Variants in TSPAN32 observed in about 807,000 individuals in gnomAD.
The protein encoded by TSPAN32 is tetraspanin 32.
TSPAN32 carries 47 observed loss-of-function variants against 42.7 expected under a neutral mutation model. That is an observed-to-expected ratio of 1.10 (90% confidence interval 0.87 to 1.40). The LOEUF is 1.40. Among genes scored for constraint, TSPAN32 ranks in the 40% most tolerant of loss-of-function variants. TSPAN32 has a pLI of 0.00. For synonymous variants in TSPAN32, 175 were observed against 175.9 expected, an observed-to-expected ratio of 0.99 and a Z score of 0.04; for missense variants, 469 against 424.1, an observed-to-expected ratio of 1.11 and a Z score of -0.93.
Position 2,302,165 on chromosome 11 carries a change from CG to C in TSPAN32, c.17del (p.Arg6GlnfsTer27), listed in dbSNP as rs776304562. On this transcript the variant is annotated frameshift_variant, in exon 1 of 10. Transcript: ENST00000182290. LOFTEE classifies it high-confidence loss of function. The part of the protein sequence containing the change: MGPWS[R>X]VRVAKCQMLV... ...AGGAACCGTCATGGGGCCTTGGAGT[CG>C]AGTCAGGGTTGCCAAATGCCAGATG... The C allele has an allele frequency of 7.0e-7, 1 of 1,426,808 alleles. No homozygotes were observed. The highest frequency in any genetic ancestry group is 9.2e-7 in the Non-Finnish European group (1 of 1,086,082). The allele number at this position is 1,426,808 out of a possible 1,614,324, so 88.4% of individuals were successfully genotyped here.
chr11:2,316,480 TG>T, intron 7 of TSPAN32, 95 bp from the exon 8 acceptor site: 1 of 1,593,554 alleles, frequency 6.3e-7, no homozygotes. Context: ...CTCCTACAGC[TG>T]GGCCGCCCCC....
chr11:2,313,374 G>C lies in TSPAN32; in HGVS notation c.355-280G>C, dbSNP rs991287290. 3.3e-5 allele frequency among the ~76,000 whole-genome samples: 5 copies of C among 152,240 alleles called. No homozygotes were observed. The highest frequency in any genetic ancestry group is 7.3e-5 in the Non-Finnish European group (5 of 68,040). ...TAAGACCACAGCGGAGGCGGACGCA[G>C]AGCTTGGCCTCTGCTTTATCCTGCG... On this transcript the variant is annotated intron_variant, in intron 4 of 9. Transcript: ENST00000182290. The surrounding 1 kb of genome is among the most constrained non-coding windows in gnomAD (Gnocchi z 9.1).
intron 3 of TSPAN32, among the ~76,000 whole-genome samples, chr11:2,306,300 C>A (rs989418814): frequency 6.6e-6 from 1 of 152,152 alleles, no homozygotes; most frequent in Non-Finnish European, 1.5e-5. Flanking sequence ...CCCTAGCTGG[C>A]CTCTCGCACA....
At chr11:2,315,743 C>T in intron 6 of TSPAN32, 1 of 1,238,782 alleles carries the variant, frequency 8.1e-7, no homozygotes, top group Admixed American at 2.6e-5. Flanking sequence ...GGGTGCCATG[C>T]CCTGGGGTGG....
chr11:2,314,024 T>C (rs1337589777), intron 5 of TSPAN32, among the ~76,000 whole-genome samples: 3 of 151,880 alleles, frequency 2.0e-5, no homozygotes, highest in South Asian at 4.2e-4. Context: ...TCAAGAGCAT[T>C]AAAGCAAATA....
chr11:2,302,160 G>C lies in TSPAN32; in HGVS notation c.11G>C (p.Trp4Ser). The change falls in exon 1 of 10, where the codon TGG becomes TCG. Residue 4 changes from tryptophan (W) to serine (S), a missense_variant. Trp to Ser is a radical substitution (Grantham distance 177, BLOSUM62 -3). Coordinates refer to ENST00000182290, the MANE Select transcript of TSPAN32 (RefSeq NM_139022.3). Reference protein sequence around the residue: MGPWSRVRVAKCQM... With the variant: MGPSSRVRVAKCQM... ...AGGAGAGGAACCGTCATGGGGCCTT[G>C]GAGTCGAGTCAGGGTTGCCAAATGC... The C allele has an allele frequency of 2.8e-6, 4 of 1,442,206 alleles. No individual in the cohort carries two copies. The highest frequency in any genetic ancestry group is 3.7e-6 in the Non-Finnish European group (4 of 1,094,476). The allele number at this position is 1,442,206 out of a possible 1,614,324, so 89.3% of individuals were successfully genotyped here.
At chr11:2,305,375 C>CCCG (rs1564956257) in intron 3 of TSPAN32, among the ~76,000 whole-genome samples, 3 of 149,500 alleles carry the variant, frequency 2.0e-5, no homozygotes, top group Admixed American at 6.7e-5. Flanking sequence ...AGTCTGCCCC[C>CCCG]CCCCCCAGAG....
chr11:2,309,686 G>A (rs1029432541), intron 4 of TSPAN32, among the ~76,000 whole-genome samples: 4 of 152,220 alleles, frequency 2.6e-5, no homozygotes, highest in African/African-American at 9.7e-5. Context: ...CACAGGCTTG[G>A]CCATGAGAGA....
intron 8 of TSPAN32, 148 bp downstream of exon 8, chr11:2,316,815 A>G (rs1198518551): frequency 1.2e-6 from 1 of 866,886 alleles, no homozygotes; most frequent in East Asian, 2.8e-5. Flanking sequence ...GTGGCTGAGC[A>G]CCAGGGTGGG....
rs138943186 is a variant in TSPAN32, at chr11:2,305,504, G to A, written c.279+1300G>A. On this transcript the variant is annotated intron_variant, in intron 3 of 9. Coordinates refer to ENST00000182290, the MANE Select transcript of TSPAN32 (RefSeq NM_139022.3). ...GAACCAGCGCTGGGGCTGCAGTACC[G>A]TCCACCAGGGGGTGCCATGGTGCTG... Among the ~76,000 whole-genome samples, 685 of 152,320 alleles carry A rather than the reference G, an allele frequency of 4.5e-3. 11 individuals are homozygous for A. The highest frequency in any genetic ancestry group is 0.016 in the African/African-American group (650 of 41,566).
At chr11:2,305,373 C>A (rs1439119255) in intron 3 of TSPAN32, among the ~76,000 whole-genome samples, 6 of 149,128 alleles carry the variant, frequency 4.0e-5, no homozygotes, top group East Asian at 1.9e-4. Flanking sequence ...GTAGTCTGCC[C>A]CCCCCCCCAG....
rs1398316698 is a variant in TSPAN32, at chr11:2,316,612, G to A, written c.664G>A (p.Ala222Thr). Residue 222 changes from alanine (A) to threonine (T), a missense_variant, in exon 8 of 10, where the codon GCC (alanine) becomes ACC (threonine). Coordinates refer to ENST00000182290, the MANE Select transcript of TSPAN32 (RefSeq NM_139022.3). ...GCTCTTCAGCTCCTTCCTGTGGTTT[G>A]CCATCCGCTGTGGCTGCAGCTTGGA... ...ALLFSSFLWF[A>T]IRCGCSLDRK... is the part of the protein sequence containing the mutation. 1 of 1,551,860 alleles carries A rather than the reference G, an allele frequency of 6.4e-7. No individual in the cohort carries two copies. Among genetic ancestry groups the A allele is most frequent in the African/African-American group, 1.4e-5 (1 of 73,398 alleles).
chr11:2,309,155 A>T (rs1198276468), intron 4 of TSPAN32, among the ~76,000 whole-genome samples: 1 of 152,162 alleles, frequency 6.6e-6, no homozygotes, highest in East Asian at 1.9e-4. Context: ...AAGGAAAGCC[A>T]CTGGCTTGGC....
In TSPAN32 at chr11:2,304,325, G is replaced by C; in HGVS notation, c.279+121G>C. 1.4e-6 allele frequency: 1 copy of C among 714,344 alleles called. No individual in the cohort carries two copies. Among genetic ancestry groups the C allele is most frequent in the Admixed American group, 3.0e-5 (1 of 32,858 alleles). 44.3% of individuals were successfully genotyped at this position (714,344 alleles called of 1,614,324 possible). A position where few individuals can be genotyped will look rare whatever the true frequency, so the allele number is the denominator to read the frequency against. On this transcript the variant is annotated intron_variant, in intron 3 of 9. Transcript: ENST00000182290. This position sits in a 1 kb window ranked among gnomAD's most constrained non-coding sequence, Gnocchi z 4.8. ...TGACCAGGCAGAACCAGAGGCCCCA[G>C]GGATGCTGGCCAGCCGAGACCCCCA...
intron 4 of TSPAN32, among the ~76,000 whole-genome samples, chr11:2,309,830 C>T (rs769753852): frequency 7.3e-5 from 11 of 151,472 alleles, no homozygotes; most frequent in Non-Finnish European, 1.6e-4. Flanking sequence ...CTCAGGCCCT[C>T]TGGGGGTGGG....
intron 1 of TSPAN32, 25 bp from the exon 2 acceptor site, chr11:2,302,819 C>T (rs371069695): frequency 6.2e-6 from 10 of 1,601,418 alleles, no homozygotes; most frequent in East Asian, 2.2e-5. Flanking sequence ...CCATGCCCCA[C>T]ACTCTGAGTC....
chr11:2,311,882 C>G (rs1272220701), intron 4 of TSPAN32, among the ~76,000 whole-genome samples: 1 of 152,242 alleles, frequency 6.6e-6, no homozygotes, highest in Non-Finnish European at 1.5e-5. Context: ...ACCTAGGAGC[C>G]CAGGCCCCGT....
At chr11:2,305,372 C>CCCG (rs1848015634) in intron 3 of TSPAN32, among the ~76,000 whole-genome samples, 1 of 147,338 alleles carries the variant, frequency 6.8e-6, no homozygotes, top group African/African-American at 2.5e-5. Flanking sequence ...GGTAGTCTGC[C>CCCG]CCCCCCCCCA....
At chr11:2,308,611 A>G (rs1356695828) in intron 3 of TSPAN32, 125 bp from the exon 4 acceptor site, 1 of 9,710 alleles carries the variant, frequency 1.0e-4, no homozygotes, top group East Asian at 1.9e-3. Flanking sequence ...AACAGTGACC[A>G]GCCCCCCATA....
Sources: allele counts gnomAD v4.1 joint callset (sites outside exome capture counted in the v4.1 genomes callset), GRCh38; gene constraint gnomAD v4.1.1; non-coding constraint Gnocchi (gnomAD v3.1); transcripts MANE v1.5; gene names NCBI Gene and HGNC (gene_info 2026-07-23, HGNC 2026-07-21).